The following SND1 variants were observed in gnomAD, a reference collection of about 807,000 sequenced individuals.
The protein encoded by SND1 is staphylococcal nuclease and tudor domain containing 1, also known as staphylococcal nuclease domain-containing protein 1.
In SND1, 38 loss-of-function variants were observed where a neutral mutation model predicts 121.7. The ratio of observed to expected loss-of-function variants is 0.31; its 90% CI spans 0.24 to 0.41. The LOEUF (loss-of-function observed/expected upper bound fraction) is 0.41. SND1 is among the 10% of genes least tolerant of loss of function. The probability of loss-of-function intolerance (pLI) is 1.00; values close to 1 mark genes in which losing one functional copy is unlikely to be tolerated. For missense variants in SND1, 868 were observed against 1,184.6 expected (o/e 0.73, Z 3.92); for synonymous variants, 401 against 447.4 (o/e 0.90, Z 1.31).
intron 10 of SND1, among the ~76,000 whole-genome samples, chr7:127,772,961 A>G (rs1251256189): frequency 1.3e-5 from 2 of 152,204 alleles, no homozygotes; most frequent in Admixed American, 6.5e-5. Flanking sequence ...CCATTTGACA[A>G]TTTGGGTGAT....
At chr7:127,988,952 T>A (rs1802458479) in intron 15 of SND1, among the ~76,000 whole-genome samples, 1 of 152,228 alleles carries the variant, frequency 6.6e-6, no homozygotes, top group Non-Finnish European at 1.5e-5. Flanking sequence ...ATGGAATTGT[T>A]TATTTTTCTC....
chr7:127,660,245 C>T (rs1449634487), intron 1 of SND1, among the ~76,000 whole-genome samples: 1 of 152,138 alleles, frequency 6.6e-6, no homozygotes, highest in Non-Finnish European at 1.5e-5. Context: ...TTTTATTCAC[C>T]TAGTCCTATC....
At chr7:127,917,769 G>A (rs1025969770) in intron 14 of SND1, among the ~76,000 whole-genome samples, 8 of 152,112 alleles carry the variant, frequency 5.3e-5, no homozygotes, top group African/African-American at 1.9e-4. Context: ...GTTTGGTGTC[G>A]TTAGTACCAT....
intron 16 of SND1, among the ~76,000 whole-genome samples, chr7:128,025,479 T>C (rs1360222573): frequency 1.3e-5 from 2 of 152,204 alleles, no homozygotes; most frequent in African/African-American, 2.4e-5. Context: ...TCTAACTCCG[T>C]ATCATCAGCA....
At chr7:127,655,877 A>G (rs146078307) in intron 1 of SND1, among the ~76,000 whole-genome samples, 1 of 152,292 alleles carries the variant, frequency 6.6e-6, no homozygotes, top group East Asian at 1.9e-4. Context: ...CAACAGCAGA[A>G]TGAATCTTGA....
intron 10 of SND1, among the ~76,000 whole-genome samples, chr7:127,803,594 C>T (rs922683212): frequency 6.6e-6 from 1 of 152,052 alleles, no homozygotes; most frequent in Non-Finnish European, 1.5e-5. Context: ...CTTCATTTCT[C>T]CCTCATTTAT....
intron 11 of SND1, among the ~76,000 whole-genome samples, chr7:127,824,863 C>T (rs756856243): frequency 1.2e-4 from 18 of 152,118 alleles, no homozygotes; most frequent in Non-Finnish European, 2.4e-4. Context: ...TTGTGACTAA[C>T]CCCATTGTCT....
chr7:127,927,404 C>A (rs1026414098), intron 14 of SND1, among the ~76,000 whole-genome samples: 1 of 152,190 alleles, frequency 6.6e-6, no homozygotes, highest in Non-Finnish European at 1.5e-5. Context: ...TGAATAGTGT[C>A]CCAGATTTAG....
At chr7:127,853,721 A>G (rs1471658636) in intron 12 of SND1, among the ~76,000 whole-genome samples, 1 of 152,054 alleles carries the variant, frequency 6.6e-6, no homozygotes, top group African/African-American at 2.4e-5. Context: ...CCATAACCCT[A>G]TTTTTCTCAC....
intron 16 of SND1, among the ~76,000 whole-genome samples, chr7:128,050,602 T>A (rs1252901411): frequency 1.3e-5 from 2 of 152,208 alleles, no homozygotes; most frequent in Admixed American, 1.3e-4. Flanking sequence ...GGAGCAATAC[T>A]TGAGAAAAGC....
At chr7:127,748,064 G>C (rs1797012778) in intron 10 of SND1, among the ~76,000 whole-genome samples, 1 of 152,210 alleles carries the variant, frequency 6.6e-6, no homozygotes, top group Non-Finnish European at 1.5e-5. Context: ...AACTGGCCAA[G>C]TCAGTGTTCA....
Position 127,773,488 on chromosome 7 carries a change from C to A in SND1, c.1153-33996C>A, listed in dbSNP as rs541285686. Among the ~76,000 whole-genome samples the A allele has an allele frequency of 3.5e-4, 53 of 150,732 alleles. 1 individual carries two copies. The highest frequency in any genetic ancestry group is 3.5e-3 in the Admixed American group (53 of 15,144). On this transcript the variant is annotated intron_variant, in intron 10 of 23. Coordinates refer to ENST00000354725, the MANE Select transcript of SND1 (RefSeq NM_014390.4). ...AAAATTCTTATTAATGAGAAGGAGT[C>A]AGGTTAGAATAATGGTTTGGGATGT...
At chr7:127,936,911 A>T (rs1257244073) in intron 15 of SND1, among the ~76,000 whole-genome samples, 1 of 152,218 alleles carries the variant, frequency 6.6e-6, no homozygotes, top group Non-Finnish European at 1.5e-5. Context: ...TGAACTTTAT[A>T]TTGAGTGTCC....
chr7:128,084,197 G>T (rs1020018389), intron 18 of SND1, among the ~76,000 whole-genome samples: 1 of 152,184 alleles, frequency 6.6e-6, no homozygotes, highest in Non-Finnish European at 1.5e-5. Flanking sequence ...CAATTCTGGG[G>T]CCTTTTCCAC....
intron 10 of SND1, among the ~76,000 whole-genome samples, chr7:127,741,668 C>A (rs1400969196): frequency 2.0e-5 from 3 of 152,128 alleles, no homozygotes; most frequent in Non-Finnish European, 2.9e-5. Flanking sequence ...CTGTTATGGC[C>A]CTTAGGAGAC....
Position 127,919,227 on chromosome 7 carries a change from G to T in SND1, c.1528-9961G>T. ...TACTAACATTTATTTTGATTTTAAGGTAATTTTTATATTATAGGTTACTTG... is the reference window on the plus strand; with the variant it reads ...TACTAACATTTATTTTGATTTTAAGTTAATTTTTATATTATAGGTTACTTG... On this transcript the variant is annotated intron_variant, in intron 14 of 23. Coordinates refer to ENST00000354725, the MANE Select transcript of SND1 (RefSeq NM_014390.4). Among the ~76,000 whole-genome samples, 2 of 152,170 alleles carry T rather than the reference G, an allele frequency of 1.3e-5. 1 individual carries two copies. The highest frequency in any genetic ancestry group is 4.2e-4 in the South Asian group (2 of 4,806).
intron 16 of SND1, chr7:127,998,335 T>G (rs1198029911): frequency 1.9e-5 from 4 of 209,700 alleles, no homozygotes; most frequent in Non-Finnish European, 4.0e-5. Context: ...GCACTTACTA[T>G]AGGACCCTGA....
intron 10 of SND1, 65 bp downstream of exon 10, chr7:127,721,465 T>C: frequency 1.1e-6 from 1 of 876,278 alleles, no homozygotes; most frequent in South Asian, 1.3e-5. Flanking sequence ...GAGAATTGAT[T>C]AATATATGAC....
intron 4 of SND1, among the ~76,000 whole-genome samples, chr7:127,699,353 G>A (rs1796063356): frequency 6.6e-6 from 1 of 152,162 alleles, no homozygotes; most frequent in African/African-American, 2.4e-5. Flanking sequence ...GTTTTAATGG[G>A]GAGACAGTCA....
Sources: allele counts gnomAD v4.1 joint callset (sites outside exome capture counted in the v4.1 genomes callset), GRCh38; gene constraint gnomAD v4.1.1; transcripts MANE v1.5; gene names NCBI Gene and HGNC (gene_info 2026-07-23, HGNC 2026-07-21).